The following KIAA1614 variants were observed in gnomAD, a reference collection of about 807,000 sequenced individuals.
The protein encoded by KIAA1614 is KIAA1614.
A neutral mutation model predicts 88.7 loss-of-function variants in KIAA1614; 76 were observed. The observed-to-expected ratio is 0.86, with a 90% CI of 0.71 to 1.04. The LOEUF (loss-of-function observed/expected upper bound fraction) is 1.04, where lower values mean the gene tolerates loss of function less well. Ranked by LOEUF, KIAA1614 falls within the 50% of genes least tolerant of loss-of-function variation. KIAA1614 has a pLI of 0.00. For missense variants in KIAA1614, 1,553 were observed against 1,582.5 expected (o/e 0.98, Z 0.32); for synonymous variants, 714 against 675.5 (o/e 1.06, Z -0.88).
At position 180,935,833 on chromosome 1, in the gene KIAA1614, G is replaced by A; in HGVS notation, c.1924G>A (p.Gly642Ser). The A allele has an allele frequency of 1.2e-6, 2 of 1,613,648 alleles. No individual in the cohort carries two copies. The highest frequency in any genetic ancestry group is 1.1e-5 in the South Asian group (1 of 91,072). The change falls in exon 5 of 9, where the codon GGC (glycine) becomes AGC (serine). Residue 642 changes from glycine (G) to serine (S), a missense_variant. Coordinates refer to ENST00000367588, the MANE Select transcript of KIAA1614 (RefSeq NM_020950.2). The surrounding 1 kb of genome is among the most constrained non-coding windows in gnomAD (Gnocchi z 6.1). Reference sequence around the variant, plus strand: ...TGGCTGGGCGTGTGGGCGGACCCAAGGCAGCAGCCCGCGACTGCGACTGCG... The same window carrying A: ...TGGCTGGGCGTGTGGGCGGACCCAAAGCAGCAGCCCGCGACTGCGACTGCG... ...QAGWACGRTQ[G>S]SSPRLRLRGS...
At chr1:180,917,177 T>C (rs1653835882) in intron 2 of KIAA1614, 77 bp downstream of exon 2, 1 of 1,170,468 alleles carries the variant, frequency 8.5e-7, no homozygotes, top group East Asian at 2.5e-5. Flanking sequence ...GACGAGGGGG[T>C]CCCACAGAGG....
intron 3 of KIAA1614, among the ~76,000 whole-genome samples, chr1:180,919,792 T>G (rs182591531): frequency 2.0e-5 from 3 of 152,260 alleles, no homozygotes; most frequent in African/African-American, 7.2e-5. Flanking sequence ...ATGGTATTTG[T>G]GTAGAATCCT....
intron 3 of KIAA1614, among the ~76,000 whole-genome samples, chr1:180,927,202 A>G (rs1654087450): frequency 6.6e-6 from 1 of 152,088 alleles, no homozygotes; most frequent in Non-Finnish European, 1.5e-5. Context: ...GACCATGGTG[A>G]GGGGCTGCAG....
rs1315410437 is a variant in KIAA1614, at chr1:180,916,539, A to G, written c.436A>G (p.Asn146Asp). The stretch of plus-strand genomic sequence containing the variant: ...TGCTGTGGTGGCTCCTCGTACCCAA[A>G]ACCTGCCTGATGGGCAGCTGGACGG... ...PGAVVAPRTQ[N>D]LPDGQLDGSI... Residue 146 changes from asparagine to aspartate, a missense_variant, in exon 2 of 9, where the codon AAC (asparagine) becomes GAC (aspartate). Coordinates refer to ENST00000367588, the MANE Select transcript of KIAA1614 (RefSeq NM_020950.2). 6.2e-7 allele frequency: 1 copy of G among 1,613,196 alleles called. No homozygotes were observed. The highest frequency in any genetic ancestry group is 8.5e-7 in the Non-Finnish European group (1 of 1,179,584).
At chr1:180,940,919 GC>G in intron 6 of KIAA1614, 125 bp from the exon 7 acceptor site, 1 of 813,154 alleles carries the variant, frequency 1.2e-6, no homozygotes, top group African/African-American at 1.7e-5. Flanking sequence ...TTAGTTCCTG[GC>G]CCCAAATGTG....
chr1:180,915,338 A>G lies in KIAA1614; in HGVS notation c.51-816A>G, dbSNP rs376142958. 1.8e-4 allele frequency among the ~76,000 whole-genome samples: 27 copies of G among 152,220 alleles called. No individual in the cohort carries two copies. The South Asian group carries it at 5.2e-3, about 29-fold the overall frequency. On this transcript the variant is annotated intron_variant, in intron 1 of 8. Transcript: ENST00000367588. ...CCTGCTTGGTGTCTTCCTGATGTCT[A>G]TCATCCTCATTGGCTCCCCTTGGAG...
intron 3 of KIAA1614, among the ~76,000 whole-genome samples, chr1:180,922,530 A>C (rs1196500453): frequency 6.6e-6 from 1 of 152,138 alleles, no homozygotes; most frequent in Admixed American, 6.5e-5. Flanking sequence ...CTCTAAGTTA[A>C]AGACAGGCAG....
rs775676326 is a variant in KIAA1614 at position 180,916,905 on chromosome 1, A to G, written c.802A>G (p.Arg268Gly). Residue 268 changes from arginine (R) to glycine (G), a missense_variant, in exon 2 of 9, where the codon AGG (arginine) becomes GGG (glycine). Transcript: ENST00000367588. ...GACCTCCGAGGAGGTCTTTGTCCCC[A>G]GGACGGCCCTGCTGGGTGAGCGCTG... The part of the protein sequence containing the change: ...SLTSEEVFVP[R>G]TALLGERWRA... 3 of 1,614,240 alleles carry G rather than the reference A, an allele frequency of 1.9e-6. No homozygotes were observed. Among genetic ancestry groups the G allele is most frequent in the Non-Finnish European group, 2.5e-6 (3 of 1,180,052 alleles).
intron 7 of KIAA1614, among the ~76,000 whole-genome samples, chr1:180,943,547 G>GTTTTTTTT (rs1558073455): frequency 6.4e-5 from 1 of 15,612 alleles, no homozygotes; most frequent in Non-Finnish European, 1.2e-4. Flanking sequence ...AATGGTAGTA[G>GTTTTTTTT]ATCTTTTTTT....
At chr1:180,915,740 G>A (rs1318643028) in intron 1 of KIAA1614, among the ~76,000 whole-genome samples, 3 of 152,182 alleles carry the variant, frequency 2.0e-5, no homozygotes, top group African/African-American at 7.2e-5. Context: ...AGCAGGAGGT[G>A]AGTGGCAGCG....
intron 7 of KIAA1614, 164 bp from the exon 8 acceptor site, chr1:180,944,225 C>G: frequency 1.5e-6 from 1 of 647,512 alleles, no homozygotes; most frequent in Non-Finnish European, 2.6e-6. Flanking sequence ...CCCATGATGT[C>G]CTTGAGTAAG....
chr1:180,927,622 C>T (rs181122764), intron 3 of KIAA1614, among the ~76,000 whole-genome samples: 52 of 152,302 alleles, frequency 3.4e-4, no homozygotes, highest in African/African-American at 1.2e-3. Flanking sequence ...AGCTGTAACC[C>T]AGCGCGGGCT....
In KIAA1614 at chr1:180,948,861, A is replaced by T. The variant is rs1571305982; in HGVS notation, c.*3273A>T. On this transcript the variant is annotated 3_prime_UTR_variant, in exon 9 of 9. Transcript: ENST00000367588. ...CTCAGACCAGGGAGGGGGAATGTGT[A>T]CAAAGATTGGATTTACTAAATTCAG... The T allele has an allele frequency of 1.3e-5, 2 of 152,410 alleles. No individual in the cohort carries two copies. The highest frequency in any genetic ancestry group is 4.1e-4 in the South Asian group (2 of 4,832). 9.4% of individuals were successfully genotyped at this position (152,410 alleles called of 1,614,324 possible). A position where few individuals can be genotyped will look rare whatever the true frequency, so the allele number is the denominator to read the frequency against.
At position 180,928,416 on chromosome 1, in the gene KIAA1614, G is replaced by A; in HGVS notation, c.1062-14G>A. The A allele has an allele frequency of 2.5e-6, 4 of 1,588,702 alleles. No individual in the cohort carries two copies. Among genetic ancestry groups the A allele is most frequent in the Non-Finnish European group, 3.4e-6 (4 of 1,164,754 alleles). ...TCCCTCCCCCACCACCCTGGCCTGT[G>A]TGCCACGCTGCAGGACCGTTGGTCC... On this transcript the variant is annotated splice_polypyrimidine_tract_variant and intron_variant, in intron 3 of 8. Coordinates refer to ENST00000367588, the MANE Select transcript of KIAA1614 (RefSeq NM_020950.2).
chr1:180,915,793 C>T (rs1653780001), intron 1 of KIAA1614, among the ~76,000 whole-genome samples: 1 of 152,098 alleles, frequency 6.6e-6, no homozygotes, highest in Non-Finnish European at 1.5e-5. Flanking sequence ...CCTGTCAGAC[C>T]AGCAGTGGCA....
chr1:180,944,935 G>A, intron 8 of KIAA1614: 1 of 284,894 alleles, frequency 3.5e-6, no homozygotes. Context: ...AGGCCCTGTA[G>A]GCTGGCTGCT....
Position 180,944,292 on chromosome 1 carries a change from T to C in KIAA1614, c.3160-97T>C. 2.4e-6 allele frequency: 3 copies of C among 1,268,000 alleles called. No homozygotes were observed. In the Admixed American group the frequency reaches 5.8e-5, roughly 24 times the overall value. The allele number at this position is 1,268,000 out of a possible 1,614,324, so 78.5% of individuals were successfully genotyped here. The stretch of plus-strand genomic sequence containing the variant: ...AATGATAAAAGCTTGTGCTGTCACT[T>C]TCTTACAGGGCCCTCAGGTTCATGG... On this transcript the variant is annotated intron_variant, in intron 7 of 8. Transcript: ENST00000367588.
At chr1:180,913,368 C>A in intron 1 of KIAA1614, 75 bp downstream of exon 1, 1 of 1,027,996 alleles carries the variant, frequency 9.7e-7, no homozygotes, top group Non-Finnish European at 1.3e-6. Context: ...GCGGGGAGCC[C>A]AGGTCGCCCC....
Position 180,950,402 on chromosome 1 carries a change from G to A in KIAA1614, c.*4814G>A, listed in dbSNP as rs747410832. ...CAAGCTGTACTCAGGGCTGCTGGGG[G>A]TGGGCGATGAGATCCTCGAGGTGAA... is the stretch of plus-strand genomic sequence containing the variant. On this transcript the variant is annotated 3_prime_UTR_variant, in exon 9 of 9. Transcript: ENST00000367588. The A allele has an allele frequency of 1.5e-5, 18 of 1,233,864 alleles. No homozygotes were observed. The highest frequency in any genetic ancestry group is 1.9e-5 in the Non-Finnish European group (18 of 960,224). 76.4% of individuals were successfully genotyped at this position (1,233,864 alleles called of 1,614,324 possible).
Sources: allele counts gnomAD v4.1 joint callset (sites outside exome capture counted in the v4.1 genomes callset), GRCh38; gene constraint gnomAD v4.1.1; non-coding constraint Gnocchi (gnomAD v3.1); transcripts MANE v1.5; gene names NCBI Gene and HGNC (gene_info 2026-07-23, HGNC 2026-07-21).